C6orf89: variants seen among roughly 807,000 people sequenced by gnomAD.
The protein encoded by C6orf89 is bombesin receptor-activated protein C6orf89.
In C6orf89, 29 loss-of-function variants were observed where a neutral mutation model predicts 40.7. The ratio of observed to expected loss-of-function variants is 0.71; its 90% CI spans 0.53 to 0.97. C6orf89 has a LOEUF of 0.97. Ranked by LOEUF, C6orf89 falls within the 50% of genes least tolerant of loss-of-function variation. The pLI, the probability that C6orf89 is intolerant of heterozygous loss-of-function variation, is 0.00. For missense variants in C6orf89, 392 were observed against 429.1 expected (o/e 0.91, Z 0.76); for synonymous variants, 165 against 152.2 (o/e 1.08, Z -0.62).
intron 4 of C6orf89, among the ~76,000 whole-genome samples, chr6:36,907,467 C>T (rs906215018): frequency 2.1e-4 from 32 of 152,120 alleles, no homozygotes; most frequent in African/African-American, 7.7e-4. Flanking sequence ...CTGGCCCATC[C>T]ATTTTTCTGC....
At chr6:36,877,805 T>A (rs1265454146) in intron 1 of C6orf89, among the ~76,000 whole-genome samples, 1 of 152,244 alleles carries the variant, frequency 6.6e-6, no homozygotes, top group African/African-American at 2.4e-5. Context: ...TGAATTCTTT[T>A]TCCATATGTG....
chr6:36,916,174 C>T (rs1338756674), intron 6 of C6orf89, among the ~76,000 whole-genome samples: 3 of 152,074 alleles, frequency 2.0e-5, no homozygotes, highest in Non-Finnish European at 4.4e-5. Context: ...TATTTCTTTC[C>T]TTCCAATATA....
intron 4 of C6orf89, among the ~76,000 whole-genome samples, chr6:36,913,141 T>C (rs1169183956): frequency 6.6e-6 from 1 of 152,120 alleles, no homozygotes; most frequent in African/African-American, 2.4e-5. Flanking sequence ...GAAATAACAT[T>C]ATAAACAGCA....
At chr6:36,919,734 G>T in intron 8 of C6orf89, 33 bp downstream of exon 8, 1 of 1,542,726 alleles carries the variant, frequency 6.5e-7, no homozygotes, top group Non-Finnish European at 8.8e-7. Context: ...AGGGTCAATG[G>T]ATCTTTTTAG....
intron 4 of C6orf89, among the ~76,000 whole-genome samples, chr6:36,911,936 C>T (rs12203354): frequency 7.1e-6 from 1 of 141,186 alleles, no homozygotes; most frequent in Non-Finnish European, 1.6e-5. Context: ...GTGAACCCCC[C>T]CCCCCCGACC....
intron 1 of C6orf89, among the ~76,000 whole-genome samples, chr6:36,875,916 T>C (rs528054418): frequency 6.1e-4 from 93 of 152,364 alleles, no homozygotes; most frequent in Middle Eastern, 6.8e-3. Context: ...AAAGATAAAC[T>C]AGACAGCTCC....
intron 4 of C6orf89, among the ~76,000 whole-genome samples, chr6:36,912,852 A>G (rs1355343273): frequency 6.6e-6 from 1 of 152,190 alleles, no homozygotes; most frequent in Admixed American, 6.5e-5. Context: ...CTCAGAGAAA[A>G]CAAGCATGTA....
intron 2 of C6orf89, among the ~76,000 whole-genome samples, chr6:36,879,347 G>T (rs1049134068): frequency 3.3e-5 from 5 of 152,122 alleles, no homozygotes; most frequent in African/African-American, 1.2e-4. Flanking sequence ...CATGTATTTT[G>T]CTCTGGCCGG....
intron 1 of C6orf89, chr6:36,878,901 GTC>G (rs2150668053): frequency 6.6e-6 from 1 of 152,330 alleles, no homozygotes; most frequent in Non-Finnish European, 1.5e-5. Context: ...CACCCCTGGA[GTC>G]TCTGTGAATC....
At chr6:36,920,939 C>A (rs574016076) in intron 8 of C6orf89, among the ~76,000 whole-genome samples, 9 of 151,580 alleles carry the variant, frequency 5.9e-5, no homozygotes, top group African/African-American at 1.9e-4. Flanking sequence ...CCGGCTCCCA[C>A]GAGCAACCGG....
At chr6:36,900,701 G>A (rs143265824) in intron 3 of C6orf89, among the ~76,000 whole-genome samples, 76 of 151,874 alleles carry the variant, frequency 5.0e-4, no homozygotes, top group Admixed American at 2.2e-3. Flanking sequence ...GGGTTTTTCC[G>A]TGTTGTCCAG....
rs764950477 is a variant in C6orf89, at chr6:36,912,693, C to T, written c.404-1591C>T. Among the ~76,000 whole-genome samples, 9 of 152,192 alleles carry T rather than the reference C, an allele frequency of 5.9e-5. No homozygotes were observed. The East Asian group carries it at 1.4e-3, about 23-fold the overall frequency. ...AATCCTCTGACTAATAATCTTCCTG[C>T]GAGTTGAGACTGGCTGAGAAAGGTA... On this transcript the variant is annotated intron_variant, in intron 4 of 8. Transcript: ENST00000480824.
At chr6:36,919,475 A>G in intron 7 of C6orf89, 103 bp from the exon 8 acceptor site, 1 of 1,373,332 alleles carries the variant, frequency 7.3e-7, no homozygotes, top group Non-Finnish European at 9.9e-7. Context: ...TTATGCTAGG[A>G]AACTCAGAGC....
intron 3 of C6orf89, among the ~76,000 whole-genome samples, chr6:36,900,491 C>T (rs1050537171): frequency 1.3e-5 from 2 of 150,050 alleles, no homozygotes; most frequent in African/African-American, 4.9e-5. Context: ...CCTAAGTCAT[C>T]GCACCTGAAC....
In C6orf89 at chr6:36,885,980, G is replaced by C; in HGVS notation, c.-168G>C. 8.0e-7 allele frequency: 1 copy of C among 1,251,864 alleles called. No homozygotes were observed. Among genetic ancestry groups the C allele is most frequent in the Non-Finnish European group, 1.0e-6 (1 of 999,606 alleles). 77.5% of individuals were successfully genotyped at this position (1,251,864 alleles called of 1,614,324 possible). On this transcript the variant is annotated 5_prime_UTR_variant, in exon 1 of 9. Transcript: ENST00000480824. ...AAGTTGCCCATCCTCCTCGCCCGGC[G>C]GCAGCTGTCCCCGAGGCGGGAGGAG...
rs1762629387 is a variant in C6orf89, at chr6:36,924,884, C to G, written c.*1443C>G. On this transcript the variant is annotated 3_prime_UTR_variant, in exon 9 of 9. Transcript: ENST00000480824. The stretch of plus-strand genomic sequence containing the variant: ...ATTCCTGGAGGAGCCTGCATCTCAT[C>G]TCTCAGGCCCTCTTTCTCTGTGGGT... The G allele has an allele frequency of 6.6e-6, 1 of 152,184 alleles. No homozygotes were observed. The highest frequency in any genetic ancestry group is 2.4e-5 in the African/African-American group (1 of 41,442). The allele number at this position is 152,184 out of a possible 1,614,324, so 9.4% of individuals were successfully genotyped here.
At chr6:36,881,832 C>G (rs1330458000), upstream of C6orf89, among the ~76,000 whole-genome samples, 1 of 151,126 alleles carries the variant, frequency 6.6e-6, no homozygotes, top group Non-Finnish European at 1.5e-5. Flanking sequence ...TTGTTCTGCT[C>G]TGAGAAAAAA....
Position 36,910,988 on chromosome 6 carries a change from G to A in C6orf89, c.404-3296G>A, listed in dbSNP as rs552042225. On this transcript the variant is annotated intron_variant, in intron 4 of 8. Coordinates refer to ENST00000480824, the MANE Select transcript of C6orf89 (RefSeq NM_001286635.2). ...GTCACCTTATTAAATTCTCTTTTTA[G>A]TACTAACAGTTTTTTACTTGTGTTC... Among the ~76,000 whole-genome samples the A allele has an allele frequency of 4.9e-4, 75 of 152,136 alleles. 1 individual carries two copies. In the Middle Eastern group the frequency reaches 0.01, roughly 21 times the overall value.
chr6:36,922,574 C>T (rs966469318), intron 8 of C6orf89, among the ~76,000 whole-genome samples: 5 of 152,086 alleles, frequency 3.3e-5, no homozygotes, highest in African/African-American at 7.2e-5. Context: ...TCGAGTCAGT[C>T]GACTTTGGGA....
Sources: gnomAD v4.1 joint callset for allele counts (sites outside exome capture counted in the v4.1 genomes callset) on GRCh38, gnomAD v4.1.1 for gene constraint, MANE v1.5 for transcripts, NCBI Gene and HGNC (gene_info 2026-07-23, HGNC 2026-07-21) for gene names.